Variants in ADAMTS12 observed in about 807,000 individuals in gnomAD.
ADAMTS12 encodes the protein A disintegrin and metalloproteinase with thrombospondin motifs 12.
In ADAMTS12, 118 loss-of-function variants were observed where a neutral mutation model predicts 167.8. The observed-to-expected ratio is 0.70, with a 90% CI of 0.61 to 0.82. The LOEUF (loss-of-function observed/expected upper bound fraction) is 0.82, where lower values mean the gene tolerates loss of function less well. Among genes scored for constraint, ADAMTS12 ranks in the 40% least tolerant of loss-of-function variants. ADAMTS12 has a pLI of 0.00. For synonymous variants in ADAMTS12, 704 were observed against 716.9 expected (o/e 0.98, Z 0.29); for missense variants, 1,916 against 1,998.8 (o/e 0.96, Z 0.79).
Position 33,648,935 on chromosome 5 carries a change from G to A in ADAMTS12, c.1366C>T (p.Pro456Ser). The A allele has an allele frequency of 1.2e-6, 2 of 1,614,054 alleles. No individual in the cohort carries two copies. Among genetic ancestry groups the A allele is most frequent in the African/African-American group, 2.7e-5 (2 of 75,038 alleles). The change falls in exon 9 of 24, where the codon CCT (proline) becomes TCT (serine). Residue 456 changes from proline (P) to serine (S), a missense_variant. Pro to Ser is a moderately conservative substitution (Grantham distance 74). Coordinates refer to ENST00000504830, the MANE Select transcript of ADAMTS12 (RefSeq NM_030955.4). ...TTGGACTTCAAGCCTTTCTTTTTAG[G>A]TATGTCATCAAGACAGAACCCCCAG... Reference protein sequence around the residue: ...RGWGFCLDDIPKKKGLKSKVI... With the variant: ...RGWGFCLDDISKKKGLKSKVI...
intron 2 of ADAMTS12, among the ~76,000 whole-genome samples, chr5:33,773,087 G>GAGCTGTGACCAGCCATGTGTT (rs1745803648): frequency 1.3e-5 from 2 of 152,300 alleles, no homozygotes; most frequent in South Asian, 4.1e-4. Flanking sequence ...AAATAACCAG[G>GAGCTGTGACCAGCCATGTGTT]ATTCTTGAAC....
intron 19 of ADAMTS12, among the ~76,000 whole-genome samples, chr5:33,573,509 T>G (rs1746502452): frequency 6.6e-6 from 1 of 152,200 alleles, no homozygotes; most frequent in African/African-American, 2.4e-5. Flanking sequence ...GATTCCCTAT[T>G]TAATAAATGG....
chr5:33,600,861 C>T (rs1266396893), intron 16 of ADAMTS12, among the ~76,000 whole-genome samples: 1 of 152,140 alleles, frequency 6.6e-6, no homozygotes, highest in African/African-American at 2.4e-5. Context: ...AAGTAGCAAA[C>T]ATTAACTTCA....
chr5:33,714,152 C>T (rs1743513110), intron 3 of ADAMTS12, among the ~76,000 whole-genome samples: 1 of 152,094 alleles, frequency 6.6e-6, no homozygotes, highest in Admixed American at 6.6e-5. Flanking sequence ...TAATAGCCTA[C>T]AGCTGCCTAT....
chr5:33,700,585 T>A (rs1314202897), intron 3 of ADAMTS12, among the ~76,000 whole-genome samples: 1 of 152,084 alleles, frequency 6.6e-6, no homozygotes, highest in East Asian at 1.9e-4. Context: ...TGAGGAATCT[T>A]TGGGGGCTGG....
intron 2 of ADAMTS12, among the ~76,000 whole-genome samples, chr5:33,850,868 G>A (rs757550309): frequency 3.1e-4 from 47 of 152,092 alleles, no homozygotes; most frequent in African/African-American, 8.2e-4. Flanking sequence ...AATTTTGCAC[G>A]TATCACCCCA....
intron 9 of ADAMTS12, among the ~76,000 whole-genome samples, chr5:33,647,709 C>T (rs920103698): frequency 5.4e-5 from 8 of 149,406 alleles, no homozygotes; most frequent in South Asian, 2.2e-4. Flanking sequence ...CCAGCCTGGG[C>T]GATAGAGAAA....
chr5:33,805,187 A>G (rs1044574398), intron 2 of ADAMTS12, among the ~76,000 whole-genome samples: 7 of 152,186 alleles, frequency 4.6e-5, no homozygotes, highest in Non-Finnish European at 1.0e-4. Flanking sequence ...CATTACAACA[A>G]AAGGAGCCAC....
intron 18 of ADAMTS12, among the ~76,000 whole-genome samples, chr5:33,583,757 C>A (rs6882507): frequency 8.5e-5 from 13 of 152,130 alleles, no homozygotes; most frequent in South Asian, 2.1e-4. Context: ...TATTGAGCAC[C>A]TTTTCATATG....
In ADAMTS12 at chr5:33,527,127, C is replaced by A. The variant is rs1743855242; in HGVS notation, c.*61G>T. 1.9e-6 allele frequency: 3 copies of A among 1,593,336 alleles called. No individual in the cohort carries two copies. In the South Asian group the frequency reaches 3.4e-5, roughly 18 times the overall value. ...AACCTCAACGAAGCAGCTCCCAGGG[C>A]TAAAGCATGTCATGGTCAGCAGGCT... On this transcript the variant is annotated 3_prime_UTR_variant, in exon 24 of 24. Coordinates refer to ENST00000504830, the MANE Select transcript of ADAMTS12 (RefSeq NM_030955.4).
chr5:33,818,970 A>G (rs1483765431), intron 2 of ADAMTS12, among the ~76,000 whole-genome samples: 2 of 152,100 alleles, frequency 1.3e-5, no homozygotes, highest in Non-Finnish European at 2.9e-5. Flanking sequence ...GAATTTTTAA[A>G]TAAATTTTAG....
At chr5:33,834,295 C>A (rs1561297625) in intron 2 of ADAMTS12, among the ~76,000 whole-genome samples, 1 of 152,090 alleles carries the variant, frequency 6.6e-6, no homozygotes, top group African/African-American at 2.4e-5. Flanking sequence ...ATAACAGGGG[C>A]CCAATATACA....
At chr5:33,761,984 C>T (rs979883637) in intron 2 of ADAMTS12, among the ~76,000 whole-genome samples, 6 of 149,602 alleles carry the variant, frequency 4.0e-5, no homozygotes, top group African/African-American at 1.5e-4. Flanking sequence ...CCTGAGGTCA[C>T]GAGTTTGAGA....
At chr5:33,872,328 G>A (rs189799469) in intron 2 of ADAMTS12, among the ~76,000 whole-genome samples, 2 of 152,166 alleles carry the variant, frequency 1.3e-5, no homozygotes, top group Admixed American at 6.5e-5. Context: ...GGTGGATCAC[G>A]AGGTCAGGAG....
chr5:33,527,951 GACACAC>G (rs575952221), intron 23 of ADAMTS12, among the ~76,000 whole-genome samples: 1 of 151,976 alleles, frequency 6.6e-6, no homozygotes, highest in Admixed American at 6.6e-5. Flanking sequence ...ATATGAAAAA[GACACAC>G]ACACATGCAT....
At chr5:33,700,752 T>G (rs1216775311) in intron 3 of ADAMTS12, among the ~76,000 whole-genome samples, 1 of 152,220 alleles carries the variant, frequency 6.6e-6, no homozygotes, top group Non-Finnish European at 1.5e-5. Context: ...GGTTGTGATA[T>G]TGTACTGTTG....
At chr5:33,782,771 A>G (rs1218606484) in intron 2 of ADAMTS12, among the ~76,000 whole-genome samples, 1 of 152,118 alleles carries the variant, frequency 6.6e-6, no homozygotes, top group Non-Finnish European at 1.5e-5. Flanking sequence ...TAATAACAGA[A>G]CCATAAAATA....
chr5:33,630,865 T>C lies in ADAMTS12; in HGVS notation c.1937A>G (p.Glu646Gly). Reference sequence around the variant, plus strand: ...ATCAATGACAGCATCCAGCATTTTCTCAGAAAACTGGCCATCTATGGGTCG... The same window carrying C: ...ATCAATGACAGCATCCAGCATTTTCCCAGAAAACTGGCCATCTATGGGTCG... ...YCRPIDGQFS[E>G]KMLDAVIDGT... The change falls in exon 13 of 24, where the codon GAG (glutamate) becomes GGG (glycine). Residue 646 changes from glutamate (E) to glycine (G), a missense_variant. By Grantham distance (98) the Glu-to-Gly change is moderately conservative. Transcript: ENST00000504830. The C allele has an allele frequency of 6.2e-7, 1 of 1,613,708 alleles. No individual in the cohort carries two copies. Among genetic ancestry groups the C allele is most frequent in the Non-Finnish European group, 8.5e-7 (1 of 1,179,710 alleles).
intron 3 of ADAMTS12, among the ~76,000 whole-genome samples, chr5:33,740,402 G>T (rs898097564): frequency 6.6e-6 from 1 of 152,164 alleles, no homozygotes; most frequent in African/African-American, 2.4e-5. Context: ...AAAATGTAGG[G>T]CTCCGGCCTG....
Sources: gnomAD v4.1 joint callset for allele counts (sites outside exome capture counted in the v4.1 genomes callset) on GRCh38, gnomAD v4.1.1 for gene constraint, MANE v1.5 for transcripts, NCBI Gene and HGNC (gene_info 2026-07-23, HGNC 2026-07-21) for gene names.